DNAJB9: variants seen among roughly 807,000 people sequenced by gnomAD.
The protein encoded by DNAJB9 is DnaJ heat shock protein family (Hsp40) member B9.
Under a neutral mutation model 19.2 loss-of-function variants are expected in DNAJB9, and 12 were observed. The observed-to-expected ratio is 0.62, with a 90% CI of 0.40 to 1.01. The LOEUF (loss-of-function observed/expected upper bound fraction) is 1.01. Among genes scored for constraint, DNAJB9 ranks in the 50% least tolerant of loss-of-function variants. The probability of loss-of-function intolerance (pLI) is 0.00; values close to 1 mark genes in which losing one functional copy is unlikely to be tolerated. For synonymous variants in DNAJB9, 83 were observed against 84.0 expected, an observed-to-expected ratio of 0.99 and a Z score of 0.07; for missense variants, 272 against 261.1, an observed-to-expected ratio of 1.04 and a Z score of -0.29.
rs773337621 is a variant in DNAJB9 at position 108,573,249 on chromosome 7, G to A, written c.568G>A (p.Val190Ile). 1.2e-6 allele frequency: 2 copies of A among 1,613,942 alleles called. No homozygotes were observed. The highest frequency in any genetic ancestry group is 8.5e-7 in the Non-Finnish European group (1 of 1,179,866). Residue 190 changes from valine to isoleucine, a missense_variant, in exon 3 of 3, where the codon GTA becomes ATA. Physicochemically the swap from Val to Ile is conservative, Grantham distance 29. Transcript: ENST00000249356. ...SGFDSTNQHT[V>I]QTENRFHGSS... Reference sequence around the variant, plus strand: ...TTTTGACTCTACCAATCAGCATACAGTACAGACTGAAAATAGATTTCATGG... The same window carrying A: ...TTTTGACTCTACCAATCAGCATACAATACAGACTGAAAATAGATTTCATGG...
chr7:108,571,718 A>G lies in DNAJB9; in HGVS notation c.-9A>G. The G allele has an allele frequency of 6.2e-7, 1 of 1,609,446 alleles. No homozygotes were observed. The highest frequency in any genetic ancestry group is 8.5e-7 in the Non-Finnish European group (1 of 1,177,742). On this transcript the variant is annotated splice_region_variant and 5_prime_UTR_variant, in exon 2 of 3. Coordinates refer to ENST00000249356, the MANE Select transcript of DNAJB9 (RefSeq NM_012328.3). ...ATTTTTTTTTCTTTTCTGTTTTAGG[A>G]TATTAGAAATGGCTACTCCCCAGTC...
Position 108,573,430 on chromosome 7 carries a change from C to T in DNAJB9, c.*77C>T. The stretch of plus-strand genomic sequence containing the variant: ...TTGATGCTAAACAATTTTCTGTGAA[C>T]TATTTTGACAAGTGCATGATTTCAC... On this transcript the variant is annotated 3_prime_UTR_variant, in exon 3 of 3. Transcript: ENST00000249356. The T allele has an allele frequency of 3.5e-6, 4 of 1,144,072 alleles. No homozygotes were observed. Among genetic ancestry groups the T allele is most frequent in the Non-Finnish European group, 4.7e-6 (4 of 842,630 alleles). The allele number at this position is 1,144,072 out of a possible 1,614,324, so 70.9% of individuals were successfully genotyped here. A position where few individuals can be genotyped will look rare whatever the true frequency, so the allele number is the denominator to read the frequency against.
rs534958981 is a variant in DNAJB9 at position 108,571,869 on chromosome 7, A to G, written c.143A>G (p.Lys48Arg). 2 of 1,614,206 alleles carry G rather than the reference A, an allele frequency of 1.2e-6. No individual in the cohort carries two copies. The highest frequency in any genetic ancestry group is 1.3e-5 in the African/African-American group (1 of 75,058). The change falls in exon 2 of 3, where the codon AAG (lysine) becomes AGG (arginine). Residue 48 changes from lysine to arginine, a missense_variant. By Grantham distance (26) the Lys-to-Arg change is conservative. Coordinates refer to ENST00000249356, the MANE Select transcript of DNAJB9 (RefSeq NM_012328.3). ...SERQIKKAFHKLAMKYHPDKN... is the reference protein window; with the variant it reads ...SERQIKKAFHRLAMKYHPDKN... ...CGCCAAATCAAGAAGGCCTTTCACAAGTTGGCCATGAAGTACCACCCTGAC... is the reference window on the plus strand; with the variant it reads ...CGCCAAATCAAGAAGGCCTTTCACAGGTTGGCCATGAAGTACCACCCTGAC...
At chr7:108,570,502 G>GC (rs1584292501) in intron 1 of DNAJB9, among the ~76,000 whole-genome samples, 2 of 147,698 alleles carry the variant, frequency 1.4e-5, no homozygotes, top group East Asian at 3.9e-4. Flanking sequence ...AAACTAGTCT[G>GC]CTAAAAAAAA....
At position 108,573,580 on chromosome 7, in the gene DNAJB9, C is replaced by T. The variant is rs757027606; in HGVS notation, c.*227C>T. 1.3e-4 allele frequency: 47 copies of T among 355,546 alleles called. 1 individual carries two copies. Among genetic ancestry groups the T allele is most frequent in the Non-Finnish European group, 2.0e-4 (40 of 200,650 alleles). 22.0% of individuals were successfully genotyped at this position (355,546 alleles called of 1,614,324 possible). On this transcript the variant is annotated 3_prime_UTR_variant, in exon 3 of 3. Transcript: ENST00000249356. ...ATTAGGAAAGTTTCTTTAAAAAACA[C>T]GTAATTTTGCCTAGTGCTTTTTCTC...
chr7:108,571,711 T>A lies in DNAJB9; in HGVS notation c.-10-6T>A, dbSNP rs773701375. The A allele has an allele frequency of 3.7e-6, 6 of 1,606,308 alleles. No homozygotes were observed. Among genetic ancestry groups the A allele is most frequent in the Non-Finnish European group, 5.1e-6 (6 of 1,175,976 alleles). On this transcript the variant is annotated splice_region_variant and splice_polypyrimidine_tract_variant and intron_variant, in intron 1 of 2. Coordinates refer to ENST00000249356, the MANE Select transcript of DNAJB9 (RefSeq NM_012328.3). ...CCATAACATTTTTTTTTCTTTTCTG[T>A]TTTAGGATATTAGAAATGGCTACTC... is the stretch of plus-strand genomic sequence containing the variant.
rs1048112028 is a variant in DNAJB9, at chr7:108,574,542, G to A, written c.*1189G>A. On this transcript the variant is annotated 3_prime_UTR_variant, in exon 3 of 3. Transcript: ENST00000249356. Reference sequence around the variant, plus strand: ...CCAACCTGAAAACTGATAGGATTTTGTTTGTCATTTGGTAATTTCTACTGC... The same window carrying A: ...CCAACCTGAAAACTGATAGGATTTTATTTGTCATTTGGTAATTTCTACTGC... 6.6e-6 allele frequency: 1 copy of A among 152,120 alleles called. No homozygotes were observed. Among genetic ancestry groups the A allele is most frequent in the Non-Finnish European group, 1.5e-5 (1 of 67,992 alleles). The allele number at this position is 152,120 out of a possible 1,614,324, so 9.4% of individuals were successfully genotyped here.
chr7:108,572,917 A>C lies in DNAJB9; in HGVS notation c.236A>C (p.Asp79Ala). 6.2e-7 allele frequency: 1 copy of C among 1,605,720 alleles called. No individual in the cohort carries two copies. The highest frequency in any genetic ancestry group is 8.5e-7 in the Non-Finnish European group (1 of 1,174,676). ...CTTTCAGCATATGAAACACTCTCAG[A>C]TGCTAATAGACGAAAAGAGTATGAT... Reference protein sequence around the residue: ...EIAEAYETLSDANRRKEYDTL... With the variant: ...EIAEAYETLSAANRRKEYDTL... Residue 79 changes from aspartate to alanine, a missense_variant, in exon 3 of 3, where the codon GAT (aspartate) becomes GCT (alanine). Transcript: ENST00000249356.
In DNAJB9 at chr7:108,574,170, C is replaced by T. The variant is rs1564015145; in HGVS notation, c.*817C>T. The T allele has an allele frequency of 6.6e-6, 1 of 152,588 alleles. No individual in the cohort carries two copies. The highest frequency in any genetic ancestry group is 1.5e-5 in the Non-Finnish European group (1 of 68,014). 9.5% of individuals were successfully genotyped at this position (152,588 alleles called of 1,614,324 possible). A position where few individuals can be genotyped will look rare whatever the true frequency, so the allele number is the denominator to read the frequency against. On this transcript the variant is annotated 3_prime_UTR_variant, in exon 3 of 3. Transcript: ENST00000249356. ...TCTCTCATCTTTATCTAGAGATTGA[C>T]TGATACCTCATTCTGTTTGTAAAAC...
At position 108,573,076 on chromosome 7, in the gene DNAJB9, G is replaced by C. The variant is rs762937281; in HGVS notation, c.395G>C (p.Gly132Ala). 5 of 1,614,060 alleles carry C rather than the reference G, an allele frequency of 3.1e-6. No individual in the cohort carries two copies. In the Admixed American group the frequency reaches 6.7e-5, roughly 22 times the overall value. ...FGFFGQNQNT[G>A]SKKRFENHFQ... ...TTTTTTGGTCAAAACCAAAACACTG[G>C]ATCCAAGAAGCGTTTTGAAAATCAT... Residue 132 changes from glycine to alanine, a missense_variant, in exon 3 of 3, where the codon GGA (glycine) becomes GCA (alanine). Transcript: ENST00000249356.
chr7:108,573,140 GCAT>G lies in DNAJB9; in HGVS notation c.463_465del (p.His155del). 2 of 1,613,978 alleles carry G rather than the reference GCAT, an allele frequency of 1.2e-6. No homozygotes were observed. The highest frequency in any genetic ancestry group is 1.7e-6 in the Non-Finnish European group (2 of 1,179,914). On this transcript the variant is annotated inframe_deletion, in exon 3 of 3. Coordinates refer to ENST00000249356, the MANE Select transcript of DNAJB9 (RefSeq NM_012328.3). ...AGGATGGTGGTTCCAGTAGACAAAG[GCAT>G]CATTTCCAAGAATTTTCTTTTGGAG... is the stretch of plus-strand genomic sequence containing the variant.
chr7:108,573,653 AT>A lies in DNAJB9; in HGVS notation c.*301del. ...TATCACCAGTATTATTACCAAGAAAATATTGAGTTTACCTGATTAAACTTTA... is the reference window on the plus strand; with the variant it reads ...TATCACCAGTATTATTACCAAGAAAAATTGAGTTTACCTGATTAAACTTTA... On this transcript the variant is annotated 3_prime_UTR_variant, in exon 3 of 3. Transcript: ENST00000249356. 4.4e-6 allele frequency: 1 copy of A among 225,466 alleles called. No homozygotes were observed. The highest frequency in any genetic ancestry group is 8.6e-6 in the Non-Finnish European group (1 of 116,854). 14.0% of individuals were successfully genotyped at this position (225,466 alleles called of 1,614,324 possible).
chr7:108,571,619 A>C (rs1460762922), intron 1 of DNAJB9, 98 bp from the exon 2 acceptor site: 1 of 913,374 alleles, frequency 1.1e-6, no homozygotes, highest in Non-Finnish European at 1.7e-6. Context: ...TACTATTTTG[A>C]TACTGCATTA....
At position 108,573,229 on chromosome 7, in the gene DNAJB9, A is replaced by C; in HGVS notation, c.548A>C (p.Asp183Ala). 2 of 1,613,902 alleles carry C rather than the reference A, an allele frequency of 1.2e-6. No homozygotes were observed. Among genetic ancestry groups the C allele is most frequent in the Non-Finnish European group, 1.7e-6 (2 of 1,179,886 alleles). ...AAAATGTTTTCTTTTAGTGGTTTTGACTCTACCAATCAGCATACAGTACAG... is the reference window on the plus strand; with the variant it reads ...AAAATGTTTTCTTTTAGTGGTTTTGCCTCTACCAATCAGCATACAGTACAG... Reference protein sequence around the residue: ...MEKMFSFSGFDSTNQHTVQTE... With the variant: ...MEKMFSFSGFASTNQHTVQTE... The change falls in exon 3 of 3, where the codon GAC (aspartate) becomes GCC (alanine). Residue 183 changes from aspartate to alanine, a missense_variant. Transcript: ENST00000249356.
rs1028251860 is a variant in DNAJB9, at chr7:108,572,883, T to C, written c.218-16T>C. On this transcript the variant is annotated splice_polypyrimidine_tract_variant and intron_variant, in intron 2 of 2. Coordinates refer to ENST00000249356, the MANE Select transcript of DNAJB9 (RefSeq NM_012328.3). ...ATTTTACCTTCAGTTACTAAAAATA[T>C]TTTTGTCACTTTCAGCATATGAAAC... 5.1e-6 allele frequency: 8 copies of C among 1,569,432 alleles called. No individual in the cohort carries two copies. Among genetic ancestry groups the C allele is most frequent in the Non-Finnish European group, 6.9e-6 (8 of 1,158,158 alleles).
Position 108,573,521 on chromosome 7 carries a change from T to C in DNAJB9, c.*168T>C. Reference sequence around the variant, plus strand: ...TTTTTTTTTTTGACAAATTCAACATTCAACGAGTAGACAAAATGCTAATTA... The same window carrying C: ...TTTTTTTTTTTGACAAATTCAACATCCAACGAGTAGACAAAATGCTAATTA... On this transcript the variant is annotated 3_prime_UTR_variant, in exon 3 of 3. Coordinates refer to ENST00000249356, the MANE Select transcript of DNAJB9 (RefSeq NM_012328.3). 2.3e-6 allele frequency: 1 copy of C among 441,662 alleles called. No homozygotes were observed. Among genetic ancestry groups the C allele is most frequent in the Non-Finnish European group, 3.8e-6 (1 of 260,490 alleles). 27.4% of individuals were successfully genotyped at this position (441,662 alleles called of 1,614,324 possible). A position where few individuals can be genotyped will look rare whatever the true frequency, so the allele number is the denominator to read the frequency against.
At position 108,573,909 on chromosome 7, in the gene DNAJB9, A is replaced by G. The variant is rs550830726; in HGVS notation, c.*556A>G. The G allele has an allele frequency of 6.6e-6, 1 of 152,558 alleles. No individual in the cohort carries two copies. The highest frequency in any genetic ancestry group is 2.4e-5 in the African/African-American group (1 of 41,572). The allele number at this position is 152,558 out of a possible 1,614,324, so 9.5% of individuals were successfully genotyped here. A position where few individuals can be genotyped will look rare whatever the true frequency, so the allele number is the denominator to read the frequency against. On this transcript the variant is annotated 3_prime_UTR_variant, in exon 3 of 3. Coordinates refer to ENST00000249356, the MANE Select transcript of DNAJB9 (RefSeq NM_012328.3). ...CCACAGCGCTGTGCCTTTCTACAGT[A>G]GAACTGGGGTAAAGGAAATGGTTTT... is the stretch of plus-strand genomic sequence containing the variant.
chr7:108,572,966 T>G lies in DNAJB9; in HGVS notation c.285T>G (p.Thr95=), dbSNP rs1790642430. Reference sequence around the variant, plus strand: ...ATACACTTGGACACAGTGCTTTTACTAGTGGTAAAGGACAAAGAGGTAGTG... The same window carrying G: ...ATACACTTGGACACAGTGCTTTTACGAGTGGTAAAGGACAAAGAGGTAGTG... ...EYDTLGHSAF[T]SGKGQRGSGS... The change falls in exon 3 of 3, where the codon ACT becomes ACG. Residue 95 remains threonine (T), a synonymous_variant. Transcript: ENST00000249356. 4 of 1,614,088 alleles carry G rather than the reference T, an allele frequency of 2.5e-6. No individual in the cohort carries two copies. Among genetic ancestry groups the G allele is most frequent in the Non-Finnish European group, 3.4e-6 (4 of 1,179,942 alleles).
intron 2 of DNAJB9, 97 bp from the exon 3 acceptor site, chr7:108,572,802 A>G: frequency 1.0e-6 from 1 of 968,488 alleles, no homozygotes; most frequent in Non-Finnish European, 1.5e-6. Flanking sequence ...TCTTCCCTAA[A>G]ATAATAGTAT....
Sources: allele counts gnomAD v4.1 joint callset (sites outside exome capture counted in the v4.1 genomes callset), GRCh38; gene constraint gnomAD v4.1.1; transcripts MANE v1.5; gene names NCBI Gene and HGNC (gene_info 2026-07-23, HGNC 2026-07-21).